Variants in CFL2 observed in about 807,000 individuals in gnomAD.
The protein encoded by CFL2 is cofilin 2.
Under a neutral mutation model 19.6 loss-of-function variants are expected in CFL2, and 10 were observed. The observed-to-expected ratio is 0.51, with a 90% CI of 0.31 to 0.86. The LOEUF (loss-of-function observed/expected upper bound fraction) is 0.86, where lower values mean the gene tolerates loss of function less well. CFL2 is among the 40% of genes least tolerant of loss of function. The probability of loss-of-function intolerance (pLI) is 0.04; values close to 1 mark genes in which losing one functional copy is unlikely to be tolerated. For missense variants in CFL2, 125 were observed against 192.1 expected (o/e 0.65, Z 2.06); for synonymous variants, 63 against 66.7 (o/e 0.95, Z 0.27).
At chr14:34,714,191 C>T in intron 1 of CFL2, 1 of 377,522 alleles carries the variant, frequency 2.6e-6, no homozygotes, top group Non-Finnish European at 4.7e-6. Context: ...GTTCGCAGCA[C>T]GTACCAATTT....
intron 1 of CFL2, chr14:34,713,762 T>C (rs1198562515): frequency 6.2e-6 from 10 of 1,611,884 alleles, no homozygotes; most frequent in Non-Finnish European, 7.6e-6. Context: ...CCATTCATCC[T>C]TCTTAAAGGG....
chr14:34,709,503 G>C lies in CFL2; in HGVS notation c.*3362C>G, dbSNP rs1885213807. ...AAGCAGTATTTGAGCTTTTGAAGTG[G>C]TGGCTCATGCATGCAATCCTAGCAC... On this transcript the variant is annotated 3_prime_UTR_variant, in exon 4 of 4. Coordinates refer to ENST00000298159, the MANE Select transcript of CFL2 (RefSeq NM_138638.5). 6.6e-6 allele frequency: 1 copy of C among 151,752 alleles called. No individual in the cohort carries two copies. Among genetic ancestry groups the C allele is most frequent in the South Asian group, 2.1e-4 (1 of 4,810 alleles). 9.4% of individuals were successfully genotyped at this position (151,752 alleles called of 1,614,324 possible).
At position 34,712,966 on chromosome 14, in the gene CFL2, C is replaced by A; in HGVS notation, c.400G>T (p.Glu134Ter). The A allele has an allele frequency of 6.2e-7, 1 of 1,602,602 alleles. No homozygotes were observed. Residue 134 changes from glutamate to a stop codon, truncating the protein, a stop_gained, in exon 4 of 4, where the codon GAG (glutamate) becomes TAG (stop). Transcript: ENST00000298159. LOFTEE classifies it high-confidence loss of function. ...TCATCCAAGCCATTTACTTGCCACT[C>A]ATGTTTAATACCTAAAAAGAAAAAA... ...IKKKFTGIKH[E>*]WQVNGLDDIK...
Position 34,714,532 on chromosome 14 carries a change from T to A in CFL2, c.3+6A>T. On this transcript the variant is annotated splice_donor_region_variant and intron_variant, in intron 1 of 3. Coordinates refer to ENST00000298159, the MANE Select transcript of CFL2 (RefSeq NM_138638.5). ...CGCGGCCTCCCGGCCAGCGCGCTCG[T>A]CTTACCATAGTGCCCTCGGCTGTGG... 6.3e-7 allele frequency: 1 copy of A among 1,587,318 alleles called. No individual in the cohort carries two copies. Among genetic ancestry groups the A allele is most frequent in the Non-Finnish European group, 8.5e-7 (1 of 1,170,078 alleles).
rs1374676564 is a variant in CFL2, at chr14:34,711,198, T to C, written c.*1667A>G. On this transcript the variant is annotated 3_prime_UTR_variant, in exon 4 of 4. Coordinates refer to ENST00000298159, the MANE Select transcript of CFL2 (RefSeq NM_138638.5). ...TCAAAAAAAATTTTTAAGGGATATTTTCTTTCCTGTTTTCTGCTAAAAGCA... is the reference window on the plus strand; with the variant it reads ...TCAAAAAAAATTTTTAAGGGATATTCTCTTTCCTGTTTTCTGCTAAAAGCA... The C allele has an allele frequency of 2.2e-6, 1 of 454,384 alleles. No individual in the cohort carries two copies. The highest frequency in any genetic ancestry group is 1.6e-5 in the South Asian group (1 of 64,476). 28.1% of individuals were successfully genotyped at this position (454,384 alleles called of 1,614,324 possible).
rs767101584 is a variant in CFL2 at position 34,711,795 on chromosome 14, C to T, written c.*1070G>A. 15 of 448,214 alleles carry T rather than the reference C, an allele frequency of 3.3e-5. No homozygotes were observed. The highest frequency in any genetic ancestry group is 6.7e-5 in the Non-Finnish European group (15 of 225,332). The allele number at this position is 448,214 out of a possible 1,614,324, so 27.8% of individuals were successfully genotyped here. ...AAATACACTAATGTTTATAAAAGTA[C>T]CATTCTTTAACAATGGTATTTTATA... On this transcript the variant is annotated 3_prime_UTR_variant, in exon 4 of 4. Coordinates refer to ENST00000298159, the MANE Select transcript of CFL2 (RefSeq NM_138638.5).
chr14:34,712,910 T>C lies in CFL2; in HGVS notation c.456A>G (p.Lys152=), dbSNP rs1305205883. 7 of 1,610,862 alleles carry C rather than the reference T, an allele frequency of 4.3e-6. No homozygotes were observed. Among genetic ancestry groups the C allele is most frequent in the African/African-American group, 1.3e-5 (1 of 74,974 alleles). The change falls in exon 4 of 4, where the codon AAA becomes AAG. Residue 152 remains lysine (K), a synonymous_variant. Transcript: ENST00000298159. ...GTGAAACTACTACATTGCCTCCCAA[T>C]TTCTCTCCAAGTGTCGAACGGTCCT... ...DIKDRSTLGE[K]LGGNVVVSLE...
At position 34,711,414 on chromosome 14, in the gene CFL2, T is replaced by C. The variant is rs1254169285; in HGVS notation, c.*1451A>G. 2 of 454,452 alleles carry C rather than the reference T, an allele frequency of 4.4e-6. No homozygotes were observed. Among genetic ancestry groups the C allele is most frequent in the Non-Finnish European group, 8.8e-6 (2 of 226,810 alleles). The allele number at this position is 454,452 out of a possible 1,614,324, so 28.2% of individuals were successfully genotyped here. A position where few individuals can be genotyped will look rare whatever the true frequency, so the allele number is the denominator to read the frequency against. ...CTCACACTGAGCAGATCAAATTCTC[T>C]ATAAGGAGCACAGTCTGGACCATAG... On this transcript the variant is annotated 3_prime_UTR_variant, in exon 4 of 4. Coordinates refer to ENST00000298159, the MANE Select transcript of CFL2 (RefSeq NM_138638.5).
chr14:34,711,243 TAA>T lies in CFL2; in HGVS notation c.*1620_*1621del, dbSNP rs1566523052. 1 of 454,578 alleles carries T rather than the reference TAA, an allele frequency of 2.2e-6. No homozygotes were observed. The highest frequency in any genetic ancestry group is 4.4e-6 in the Non-Finnish European group (1 of 226,804). The allele number at this position is 454,578 out of a possible 1,614,324, so 28.2% of individuals were successfully genotyped here. A position where few individuals can be genotyped will look rare whatever the true frequency, so the allele number is the denominator to read the frequency against. On this transcript the variant is annotated 3_prime_UTR_variant, in exon 4 of 4. Coordinates refer to ENST00000298159, the MANE Select transcript of CFL2 (RefSeq NM_138638.5). Reference sequence around the variant, plus strand: ...AAAGCATTCCTCTGAGCTATGGGGTTAAGTTCTGAGCCACGACTGACTGCTTA... The same window carrying T: ...AAAGCATTCCTCTGAGCTATGGGGTTGTTCTGAGCCACGACTGACTGCTTA...
At position 34,712,549 on chromosome 14, in the gene CFL2, G is replaced by C. The variant is rs1286015595; in HGVS notation, c.*316C>G. The C allele has an allele frequency of 2.0e-6, 1 of 498,778 alleles. No homozygotes were observed. Among genetic ancestry groups the C allele is most frequent in the East Asian group, 5.7e-5 (1 of 17,504 alleles). The allele number at this position is 498,778 out of a possible 1,614,324, so 30.9% of individuals were successfully genotyped here. A position where few individuals can be genotyped will look rare whatever the true frequency, so the allele number is the denominator to read the frequency against. Reference sequence around the variant, plus strand: ...GCATTCAATTAGCTTATCCTTTGCAGTATTCTAAGCTATTCACATTGACGA... The same window carrying C: ...GCATTCAATTAGCTTATCCTTTGCACTATTCTAAGCTATTCACATTGACGA... On this transcript the variant is annotated 3_prime_UTR_variant, in exon 4 of 4. Coordinates refer to ENST00000298159, the MANE Select transcript of CFL2 (RefSeq NM_138638.5).
chr14:34,712,839 G>T lies in CFL2; in HGVS notation c.*26C>A. ...AGCTGGAGAAATGGAAGCTCCTTAAGATCCAGATGGCACTTGACTGTCATT... is the reference window on the plus strand; with the variant it reads ...AGCTGGAGAAATGGAAGCTCCTTAATATCCAGATGGCACTTGACTGTCATT... On this transcript the variant is annotated 3_prime_UTR_variant, in exon 4 of 4. Transcript: ENST00000298159. The T allele has an allele frequency of 1.6e-6, 2 of 1,237,378 alleles. No homozygotes were observed. The highest frequency in any genetic ancestry group is 2.4e-6 in the Non-Finnish European group (2 of 835,854). 76.6% of individuals were successfully genotyped at this position (1,237,378 alleles called of 1,614,324 possible).
In CFL2 at chr14:34,711,677, C is replaced by T; in HGVS notation, c.*1188G>A. On this transcript the variant is annotated 3_prime_UTR_variant, in exon 4 of 4. Coordinates refer to ENST00000298159, the MANE Select transcript of CFL2 (RefSeq NM_138638.5). Reference sequence around the variant, plus strand: ...AAATGTGAATAAAAAAATAACTATGCTAATTTATCCAGAGAACAAATCAGA... The same window carrying T: ...AAATGTGAATAAAAAAATAACTATGTTAATTTATCCAGAGAACAAATCAGA... 2.2e-6 allele frequency: 1 copy of T among 445,590 alleles called. No individual in the cohort carries two copies. The highest frequency in any genetic ancestry group is 1.6e-5 in the South Asian group (1 of 61,630). The allele number at this position is 445,590 out of a possible 1,614,324, so 27.6% of individuals were successfully genotyped here.
chr14:34,714,297 G>GCCCCGA (rs1885419961), intron 1 of CFL2: 2 of 546,128 alleles, frequency 3.7e-6, no homozygotes, highest in Non-Finnish European at 5.9e-6. Context: ...CGCCCGCCCG[G>GCCCCGA]CCCCGACCCC....
intron 1 of CFL2, 195 bp downstream of exon 1, chr14:34,714,343 C>G: frequency 2.1e-6 from 2 of 959,744 alleles, no homozygotes; most frequent in Non-Finnish European, 2.8e-6. Flanking sequence ...CCCCGCCCCC[C>G]AAAATCCAAA....
rs1381575501 is a variant in CFL2, at chr14:34,711,625, T to C, written c.*1240A>G. On this transcript the variant is annotated 3_prime_UTR_variant, in exon 4 of 4. Transcript: ENST00000298159. ...CAAATAAGCAATAAGAGCTTCCTGC[T>C]TCTACTATACAACTACTTAGAAATG... is the stretch of plus-strand genomic sequence containing the variant. 2 of 452,106 alleles carry C rather than the reference T, an allele frequency of 4.4e-6. No individual in the cohort carries two copies. Among genetic ancestry groups the C allele is most frequent in the East Asian group, 7.0e-5 (1 of 14,382 alleles). 28.0% of individuals were successfully genotyped at this position (452,106 alleles called of 1,614,324 possible). A position where few individuals can be genotyped will look rare whatever the true frequency, so the allele number is the denominator to read the frequency against.
In CFL2 at chr14:34,712,999, C is replaced by A. The variant is rs193170329; in HGVS notation, c.389-22G>T. 3,884 of 1,561,812 alleles carry A rather than the reference C, an allele frequency of 2.5e-3. 13 individuals are homozygous for A. The highest frequency in any genetic ancestry group is 3.0e-3 in the Non-Finnish European group (3,411 of 1,136,056). On this transcript the variant is annotated intron_variant, in intron 3 of 3. Transcript: ENST00000298159. ...ATACCTAAAAAGAAAAAACATTATC[C>A]TATTACTTTATTATAATTAATAAAG...
Position 34,714,549 on chromosome 14 carries a change from C to G in CFL2, c.-9G>C, listed in dbSNP as rs756117892. On this transcript the variant is annotated 5_prime_UTR_variant, in exon 1 of 4. Coordinates refer to ENST00000298159, the MANE Select transcript of CFL2 (RefSeq NM_138638.5). Reference sequence around the variant, plus strand: ...CGCGCTCGTCTTACCATAGTGCCCTCGGCTGTGGCTGCGGCGGCAGCTCGG... The same window carrying G: ...CGCGCTCGTCTTACCATAGTGCCCTGGGCTGTGGCTGCGGCGGCAGCTCGG... The G allele has an allele frequency of 1.8e-4, 287 of 1,587,354 alleles. No individual in the cohort carries two copies. Among genetic ancestry groups the G allele is most frequent in the Non-Finnish European group, 2.3e-4 (268 of 1,170,266 alleles).
In CFL2 at chr14:34,712,171, A is replaced by G; in HGVS notation, c.*694T>C. 2.2e-6 allele frequency: 1 copy of G among 454,572 alleles called. No individual in the cohort carries two copies. The highest frequency in any genetic ancestry group is 4.4e-6 in the Non-Finnish European group (1 of 226,784). The allele number at this position is 454,572 out of a possible 1,614,324, so 28.2% of individuals were successfully genotyped here. On this transcript the variant is annotated 3_prime_UTR_variant, in exon 4 of 4. Coordinates refer to ENST00000298159, the MANE Select transcript of CFL2 (RefSeq NM_138638.5). ...GTTGCAGGACTCACATGGTAAACATAAAACTCCTACACTTATTCAGTAGTG... is the reference window on the plus strand; with the variant it reads ...GTTGCAGGACTCACATGGTAAACATGAAACTCCTACACTTATTCAGTAGTG...
chr14:34,713,200 G>A (rs1457393601), intron 2 of CFL2, 54 bp downstream of exon 2: 1 of 1,578,960 alleles, frequency 6.3e-7, no homozygotes, highest in Non-Finnish European at 8.7e-7. Flanking sequence ...GACTGACTAT[G>A]ATAATAATAA....
Sources: gnomAD v4.1 joint callset for allele counts on GRCh38, gnomAD v4.1.1 for gene constraint, MANE v1.5 for transcripts, NCBI Gene and HGNC (gene_info 2026-07-23, HGNC 2026-07-21) for gene names.